SLC10A7: variants seen among roughly 807,000 people sequenced by gnomAD.
The protein encoded by SLC10A7 is solute carrier family 10 member 7.
SLC10A7 carries 29 observed loss-of-function variants against 43.2 expected under a neutral mutation model. The ratio of observed to expected loss-of-function variants is 0.67; its 90% CI spans 0.50 to 0.92. The LOEUF (loss-of-function observed/expected upper bound fraction) is 0.92, where lower values mean the gene tolerates loss of function less well. Among genes scored for constraint, SLC10A7 ranks in the 40% least tolerant of loss-of-function variants. The pLI, the probability that SLC10A7 is intolerant of heterozygous loss-of-function variation, is 0.00. For synonymous variants in SLC10A7, 152 were observed against 144.8 expected (o/e 1.05, Z -0.35); for missense variants, 295 against 403.2 (o/e 0.73, Z 2.30).
intron 7 of SLC10A7, among the ~76,000 whole-genome samples, chr4:146,305,056 C>G (rs1731453604): frequency 6.6e-6 from 1 of 151,252 alleles, no homozygotes; most frequent in Non-Finnish European, 1.5e-5. Context: ...ACCATTTGAC[C>G]CAGCCATCCC....
chr4:146,493,975 G>A (rs1359377803), intron 4 of SLC10A7, among the ~76,000 whole-genome samples: 1 of 152,192 alleles, frequency 6.6e-6, no homozygotes, highest in Admixed American at 6.5e-5. Context: ...ATAAATGAAC[G>A]AAGTGAATGA....
At chr4:146,275,128 A>C (rs1729126184) in intron 10 of SLC10A7, among the ~76,000 whole-genome samples, 1 of 152,210 alleles carries the variant, frequency 6.6e-6, no homozygotes, top group Non-Finnish European at 1.5e-5. Flanking sequence ...GTCGGACATC[A>C]GGGTTTTATC....
chr4:146,509,359 C>T (rs1443633326), intron 3 of SLC10A7, among the ~76,000 whole-genome samples: 7 of 152,128 alleles, frequency 4.6e-5, no homozygotes, highest in Non-Finnish European at 2.9e-5. Context: ...AGTAAAAGTA[C>T]GATTATCCTC....
chr4:146,341,122 T>C (rs1734235734), intron 5 of SLC10A7, among the ~76,000 whole-genome samples: 1 of 151,852 alleles, frequency 6.6e-6, no homozygotes, highest in Non-Finnish European at 1.5e-5. Context: ...TTTAAATTAG[T>C]AGTTAGGAAT....
intron 5 of SLC10A7, among the ~76,000 whole-genome samples, chr4:146,342,459 G>T (rs1560815899): frequency 6.6e-6 from 1 of 151,588 alleles, no homozygotes; most frequent in African/African-American, 2.4e-5. Context: ...ATAAATATCT[G>T]TTTTGGACAA....
intron 5 of SLC10A7, among the ~76,000 whole-genome samples, chr4:146,351,654 AAAG>A (rs1437596058): frequency 6.6e-6 from 1 of 152,022 alleles, no homozygotes; most frequent in Non-Finnish European, 1.5e-5. Flanking sequence ...GGTTACCCTC[AAAG>A]GGAAGCCCAT....
chr4:146,391,330 G>A (rs2149803898), intron 5 of SLC10A7, among the ~76,000 whole-genome samples: 1 of 152,286 alleles, frequency 6.6e-6, no homozygotes, highest in East Asian at 1.9e-4. Context: ...CTCCATTTGT[G>A]ATGGTGCAAA....
intron 4 of SLC10A7, among the ~76,000 whole-genome samples, chr4:146,474,136 A>G (rs1445913514): frequency 1.3e-5 from 2 of 152,092 alleles, no homozygotes; most frequent in Non-Finnish European, 2.9e-5. Context: ...AAAAGAGAAA[A>G]AAAAAAAACT....
At chr4:146,395,367 G>A (rs1738748137) in intron 5 of SLC10A7, among the ~76,000 whole-genome samples, 1 of 152,068 alleles carries the variant, frequency 6.6e-6, no homozygotes, top group South Asian at 2.1e-4. Flanking sequence ...TACATTCTAG[G>A]TAACAGAGCA....
At chr4:146,460,929 T>C (rs1358580116) in intron 4 of SLC10A7, among the ~76,000 whole-genome samples, 1 of 151,970 alleles carries the variant, frequency 6.6e-6, no homozygotes, top group African/African-American at 2.4e-5. Context: ...GTTTTGAGGT[T>C]TACACAGAAA....
intron 6 of SLC10A7, among the ~76,000 whole-genome samples, chr4:146,321,625 T>C (rs532463636): frequency 1.3e-5 from 2 of 152,194 alleles, no homozygotes; most frequent in African/African-American, 4.8e-5. Flanking sequence ...TTTTAAGAGA[T>C]GGGGTCTCTG....
intron 1 of SLC10A7, among the ~76,000 whole-genome samples, chr4:146,520,623 A>G (rs1019060534): frequency 6.6e-6 from 1 of 152,186 alleles, no homozygotes; most frequent in African/African-American, 2.4e-5. Flanking sequence ...GTTTTAACAA[A>G]AAGATAAAAA....
intron 9 of SLC10A7, among the ~76,000 whole-genome samples, chr4:146,284,769 C>G (rs764968780): frequency 6.6e-6 from 1 of 152,138 alleles, no homozygotes; most frequent in African/African-American, 2.4e-5. Context: ...CATTACATGG[C>G]TTTCATATTT....
chr4:146,465,387 T>A (rs1186737611), intron 4 of SLC10A7, among the ~76,000 whole-genome samples: 6 of 152,132 alleles, frequency 3.9e-5, no homozygotes, highest in Admixed American at 3.9e-4. Flanking sequence ...AAAATGAGGT[T>A]TACAGGCACA....
chr4:146,415,943 T>A (rs751476433), intron 5 of SLC10A7, among the ~76,000 whole-genome samples: 4 of 152,174 alleles, frequency 2.6e-5, no homozygotes, highest in Non-Finnish European at 4.4e-5. Flanking sequence ...CTAGCCTCTA[T>A]CTTGCTCAGA....
intron 6 of SLC10A7, among the ~76,000 whole-genome samples, chr4:146,320,712 A>T (rs1732647298): frequency 6.6e-6 from 1 of 152,114 alleles, no homozygotes; most frequent in South Asian, 2.1e-4. Flanking sequence ...GCATACTGTT[A>T]AAAAGAAAAC....
chr4:146,399,537 T>C (rs1318301616), intron 5 of SLC10A7, among the ~76,000 whole-genome samples: 2 of 152,102 alleles, frequency 1.3e-5, no homozygotes, highest in Non-Finnish European at 2.9e-5. Context: ...ACAGGCATAA[T>C]TACAGCACAA....
At chr4:146,299,132 C>A (rs1428349785) in intron 7 of SLC10A7, among the ~76,000 whole-genome samples, 1 of 152,076 alleles carries the variant, frequency 6.6e-6, no homozygotes, top group Non-Finnish European at 1.5e-5. Flanking sequence ...TCTGTTTAAC[C>A]AGTAATGATA....
chr4:146,401,257 C>A (rs1419035296), intron 5 of SLC10A7, among the ~76,000 whole-genome samples: 2 of 152,132 alleles, frequency 1.3e-5, no homozygotes, highest in Non-Finnish European at 2.9e-5. Flanking sequence ...CCCTTAGTAA[C>A]CCTTAGTGCT....
Sources: allele counts gnomAD v4.1 joint callset (sites outside exome capture counted in the v4.1 genomes callset), GRCh38; gene constraint gnomAD v4.1.1; transcripts MANE v1.5; gene names NCBI Gene and HGNC (gene_info 2026-07-23, HGNC 2026-07-21).